The following TVP23A variants were observed in gnomAD, a reference collection of about 807,000 sequenced individuals.
The protein encoded by TVP23A is trans-golgi network vesicle protein 23 homolog A.
A neutral mutation model predicts 31.7 loss-of-function variants in TVP23A; 21 were observed. The observed-to-expected ratio is 0.66, with a 90% CI of 0.47 to 0.95. The LOEUF is 0.95. Ranked by LOEUF, TVP23A falls within the 40% of genes least tolerant of loss-of-function variation. The pLI, the probability that TVP23A is intolerant of heterozygous loss-of-function variation, is 0.00. For synonymous variants in TVP23A, 104 were observed against 96.0 expected (o/e 1.08, Z -0.49); for missense variants, 279 against 255.6 (o/e 1.09, Z -0.62).
Position 10,818,167 on chromosome 16 carries a change from T to A in TVP23A, c.25A>T (p.Thr9Ser), listed in dbSNP as rs758698579. 6.2e-7 allele frequency: 1 copy of A among 1,606,796 alleles called. No homozygotes were observed. The change falls in exon 2 of 8, where the codon ACC becomes TCC. Residue 9 changes from threonine (T) to serine (S), a missense_variant. Transcript: ENST00000299866. This position sits in a 1 kb window ranked among gnomAD's most constrained non-coding sequence, Gnocchi z 4.7. The stretch of plus-strand genomic sequence containing the variant: ...CCAAAGTCCAGGGACACATCCTCGG[T>A]ATCGTCCACCAGGGCCTGGGAGGAG... MKQALVDD[T>S]EDVSLDFGNE...
chr16:10,809,678 G>T (rs1328475614), intron 2 of TVP23A, among the ~76,000 whole-genome samples: 3 of 152,180 alleles, frequency 2.0e-5, no homozygotes, highest in Non-Finnish European at 2.9e-5. Context: ...GCACCTGCCA[G>T]CTTGGGCCCA....
At chr16:10,774,895 A>C in intron 3 of TVP23A, 57 bp downstream of exon 3, 2 of 1,526,612 alleles carry the variant, frequency 1.3e-6, no homozygotes, top group Non-Finnish European at 1.8e-6. Context: ...GGTACCACGC[A>C]CACAGGGGAC....
intron 2 of TVP23A, among the ~76,000 whole-genome samples, chr16:10,799,759 T>C (rs576166715): frequency 5.3e-5 from 8 of 152,264 alleles, no homozygotes; most frequent in African/African-American, 1.9e-4. Flanking sequence ...CCAGGCTTAC[T>C]TGAGGAGAGT....
At chr16:10,792,810 T>C (rs893177676) in intron 2 of TVP23A, among the ~76,000 whole-genome samples, 2 of 152,214 alleles carry the variant, frequency 1.3e-5, no homozygotes, top group Non-Finnish European at 2.9e-5. Context: ...TGCCCCAACA[T>C]CTGAGCCGGG....
In TVP23A at chr16:10,767,258, G is replaced by T. The variant is rs1017168783; in HGVS notation, c.*1844C>A. ...CCCCCATTGACCCCTAGCCCCTTGT[G>T]TCCTGTCCACCTGGCTCTGGGATAA... On this transcript the variant is annotated 3_prime_UTR_variant, in exon 8 of 8. Coordinates refer to ENST00000299866, the MANE Select transcript of TVP23A (RefSeq NM_001079512.4). The surrounding 1 kb of genome is among the most constrained non-coding windows in gnomAD (Gnocchi z 4.6). The T allele has an allele frequency of 5.0e-5, 20 of 399,120 alleles. 1 individual carries two copies. The highest frequency in any genetic ancestry group is 4.1e-4 in the African/African-American group (20 of 48,638). 24.7% of individuals were successfully genotyped at this position (399,120 alleles called of 1,614,324 possible). A position where few individuals can be genotyped will look rare whatever the true frequency, so the allele number is the denominator to read the frequency against.
At chr16:10,812,201 C>T (rs1184669524) in intron 2 of TVP23A, among the ~76,000 whole-genome samples, 3 of 152,146 alleles carry the variant, frequency 2.0e-5, no homozygotes, top group African/African-American at 4.8e-5. Context: ...TACACCACAA[C>T]GAAATACCAT....
At chr16:10,807,891 T>C (rs1442549971) in intron 2 of TVP23A, among the ~76,000 whole-genome samples, 1 of 152,158 alleles carries the variant, frequency 6.6e-6, no homozygotes, top group Non-Finnish European at 1.5e-5. Context: ...CTGTTTTTTC[T>C]TTTTAGAGGT....
intron 6 of TVP23A, among the ~76,000 whole-genome samples, chr16:10,770,629 T>C (rs975320006): frequency 8.6e-5 from 13 of 151,322 alleles, no homozygotes; most frequent in Admixed American, 1.3e-4. Flanking sequence ...TCCTAGCACT[T>C]TGGGAGGCCA....
At chr16:10,770,187 C>A in intron 7 of TVP23A, 85 bp downstream of exon 7, 1 of 1,514,732 alleles carries the variant, frequency 6.6e-7, no homozygotes, top group South Asian at 1.2e-5. Context: ...GAAGCCCACC[C>A]AGACCCCGGG....
intron 2 of TVP23A, among the ~76,000 whole-genome samples, chr16:10,778,288 G>A (rs1165783858): frequency 2.0e-5 from 3 of 151,858 alleles, no homozygotes; most frequent in Non-Finnish European, 2.9e-5. Context: ...GAGTCGAGAT[G>A]ATGCCACTGC....
chr16:10,758,095 G>A (rs755292748), downstream of TVP23A: 495 of 1,557,002 alleles, frequency 3.2e-4, no homozygotes, highest in Non-Finnish European at 4.1e-4. Flanking sequence ...TTTCCTACCT[G>A]GCTCTGATAC....
At chr16:10,787,199 C>T (rs185386243) in intron 2 of TVP23A, among the ~76,000 whole-genome samples, 1 of 152,106 alleles carries the variant, frequency 6.6e-6, no homozygotes, top group South Asian at 2.1e-4. Flanking sequence ...AGTACTAAAC[C>T]CTTTTTGATA....
intron 2 of TVP23A, among the ~76,000 whole-genome samples, chr16:10,787,108 G>C (rs1486135953): frequency 1.3e-5 from 2 of 152,220 alleles, no homozygotes; most frequent in Admixed American, 1.3e-4. Flanking sequence ...CCCTGCACCT[G>C]GCCAGCGTGG....
At chr16:10,815,515 T>C (rs1183950707) in intron 2 of TVP23A, among the ~76,000 whole-genome samples, 4 of 152,198 alleles carry the variant, frequency 2.6e-5, no homozygotes, top group Admixed American at 2.0e-4. Flanking sequence ...GGGGGCAAGT[T>C]TGCCCCACAG....
chr16:10,816,688 C>A (rs1279384090), intron 2 of TVP23A, among the ~76,000 whole-genome samples: 1 of 151,742 alleles, frequency 6.6e-6, no homozygotes, highest in African/African-American at 2.4e-5. Flanking sequence ...TCTGGGTGGA[C>A]GCTAAATGCC....
rs2031481498 is a variant in TVP23A, at chr16:10,770,309, T to G, written c.605A>C (p.Lys202Thr). The change falls in exon 7 of 8, where the codon AAG (lysine) becomes ACG (threonine). Residue 202 changes from lysine to threonine, a missense_variant. Physicochemically the swap from Lys to Thr is moderately conservative, Grantham distance 78 (BLOSUM62 -1). Coordinates refer to ENST00000299866, the MANE Select transcript of TVP23A (RefSeq NM_001079512.4). The stretch of plus-strand genomic sequence containing the variant: ...AATCTCCAGCCCCTCGAGGCCAGGC[T>G]TCTGAAAGTCACCTGGGCAGGCCTG... ...FQTACPGDFQ[K>T]PGLEGLEIHQ... 1.3e-6 allele frequency: 2 copies of G among 1,551,120 alleles called. No individual in the cohort carries two copies. Among genetic ancestry groups the G allele is most frequent in the African/African-American group, 2.7e-5 (2 of 72,970 alleles).
In TVP23A at chr16:10,767,452, T is replaced by C. The variant is rs546853314; in HGVS notation, c.*1650A>G. 13 of 398,432 alleles carry C rather than the reference T, an allele frequency of 3.3e-5. No homozygotes were observed. Among genetic ancestry groups the C allele is most frequent in the African/African-American group, 2.5e-4 (12 of 48,572 alleles). 24.7% of individuals were successfully genotyped at this position (398,432 alleles called of 1,614,324 possible). A position where few individuals can be genotyped will look rare whatever the true frequency, so the allele number is the denominator to read the frequency against. Reference sequence around the variant, plus strand: ...TGTGTGTCATGTGCTCCCATTCGTATTTTAGGTATATGAGAGTGTGTGTAT... The same window carrying C: ...TGTGTGTCATGTGCTCCCATTCGTACTTTAGGTATATGAGAGTGTGTGTAT... On this transcript the variant is annotated 3_prime_UTR_variant, in exon 8 of 8. Transcript: ENST00000299866. This position sits in a 1 kb window ranked among gnomAD's most constrained non-coding sequence, Gnocchi z 4.6.
At chr16:10,778,607 G>A (rs931073732) in intron 2 of TVP23A, among the ~76,000 whole-genome samples, 2 of 151,396 alleles carry the variant, frequency 1.3e-5, no homozygotes, top group Admixed American at 6.6e-5. Context: ...CCTTGTAATC[G>A]AGTCAGTTAG....
chr16:10,798,113 G>A (rs937341271), intron 2 of TVP23A, among the ~76,000 whole-genome samples: 3 of 151,118 alleles, frequency 2.0e-5, no homozygotes, highest in Non-Finnish European at 3.0e-5. Context: ...CTGCCACCAC[G>A]CCCAGCTAAT....
Sources: gnomAD v4.1 joint callset for allele counts (sites outside exome capture counted in the v4.1 genomes callset) on GRCh38, gnomAD v4.1.1 for gene constraint, Gnocchi (gnomAD v3.1) non-coding constraint, MANE v1.5 for transcripts, NCBI Gene and HGNC (gene_info 2026-07-23, HGNC 2026-07-21) for gene names.